OR6N1: variants seen among roughly 807,000 people sequenced by gnomAD.
OR6N1 encodes olfactory receptor 6N1.
For synonymous variants in OR6N1, 170 were observed against 150.7 expected (o/e 1.13, Z -0.94); for missense variants, 394 against 371.7 (o/e 1.06, Z -0.49).
chr1:158,840,160 TAA>T, the OR6N1 span, among the ~76,000 whole-genome samples: 2 of 152,148 alleles, frequency 1.3e-5, no homozygotes, highest in Non-Finnish European at 2.9e-5. Context: ...TCAAATGCAT[TAA>T]GAGTTCTTCA....
At chr1:158,773,322 A>C (rs949499309), upstream of OR6N1, among the ~76,000 whole-genome samples, 10 of 152,292 alleles carry the variant, frequency 6.6e-5, no homozygotes, top group Admixed American at 3.3e-4. Flanking sequence ...TTATTTACTT[A>C]ATGACTAGAG....
chr1:158,776,810 T>C (rs764201311), upstream of OR6N1: 21 of 1,614,124 alleles, frequency 1.3e-5, no homozygotes, highest in Non-Finnish European at 1.7e-5. Context: ...GAGTAAACTA[T>C]AGCAAGTGTT....
the OR6N1 span, among the ~76,000 whole-genome samples, chr1:158,782,026 T>C: frequency 2.0e-5 from 3 of 152,204 alleles, no homozygotes. Flanking sequence ...TCATCACCTC[T>C]AAGCTCCACT....
chr1:158,823,414 G>T, the OR6N1 span, among the ~76,000 whole-genome samples: 5 of 151,932 alleles, frequency 3.3e-5, no homozygotes, highest in African/African-American at 1.2e-4. Context: ...TCAGGGATTC[G>T]ATTTCTTCCT....
chr1:158,819,934 G>A, the OR6N1 span, among the ~76,000 whole-genome samples: 1 of 152,130 alleles, frequency 6.6e-6, no homozygotes, highest in African/African-American at 2.4e-5. Flanking sequence ...CACACACACA[G>A]AAATATAGAG....
chr1:158,784,571 ACCCT>A, the OR6N1 span, among the ~76,000 whole-genome samples: 1 of 151,166 alleles, frequency 6.6e-6, no homozygotes, highest in African/African-American at 2.4e-5. Context: ...CCCATCTTTC[ACCCT>A]CCCCTTTTCT....
chr1:158,825,594 A>T, the OR6N1 span, among the ~76,000 whole-genome samples: 1 of 152,234 alleles, frequency 6.6e-6, no homozygotes, highest in South Asian at 2.1e-4. Flanking sequence ...CGTACCAGTC[A>T]GAATGGCTAT....
chr1:158,782,188 T>C, the OR6N1 span, among the ~76,000 whole-genome samples: 1 of 152,244 alleles, frequency 6.6e-6, no homozygotes. Context: ...TATTTTATTA[T>C]GTATAAATGT....
chr1:158,838,268 A>G, the OR6N1 span, among the ~76,000 whole-genome samples: 1 of 151,954 alleles, frequency 6.6e-6, no homozygotes, highest in African/African-American at 2.4e-5. Flanking sequence ...TTTAAGGTAG[A>G]TATAGTGGTA....
At chr1:158,794,522 C>A in the OR6N1 span, among the ~76,000 whole-genome samples, 1 of 152,138 alleles carries the variant, frequency 6.6e-6, no homozygotes, top group East Asian at 1.9e-4. Context: ...CAGGGAGCGT[C>A]TGCAAGGGAT....
At chr1:158,827,116 T>A in the OR6N1 span, among the ~76,000 whole-genome samples, 1 of 152,174 alleles carries the variant, frequency 6.6e-6, no homozygotes, top group African/African-American at 2.4e-5. Context: ...ACAAGAAGAT[T>A]TTTTGTTTGG....
At chr1:158,827,568 A>G in the OR6N1 span, among the ~76,000 whole-genome samples, 1 of 152,186 alleles carries the variant, frequency 6.6e-6, no homozygotes, top group African/African-American at 2.4e-5. Flanking sequence ...TTTGCAATAT[A>G]CTTCTTGAAA....
chr1:158,819,623 C>A, the OR6N1 span, among the ~76,000 whole-genome samples: 6,761 of 151,928 alleles, frequency 0.045, 218 homozygotes, highest in East Asian at 0.19. Flanking sequence ...ACGGGAGTTC[C>A]AAAAAAAGGT....
chr1:158,797,976 ATGT>A, the OR6N1 span, among the ~76,000 whole-genome samples: 11,035 of 152,056 alleles, frequency 0.073, 468 homozygotes, highest in South Asian at 0.12. Flanking sequence ...ATTAATTCTG[ATGT>A]TGATATTTCT....
the OR6N1 span, among the ~76,000 whole-genome samples, chr1:158,822,972 G>C: frequency 6.6e-6 from 1 of 152,066 alleles, no homozygotes. Context: ...ATAATCATGT[G>C]GGCTTTGTTT....
chr1:158,831,683 A>G, the OR6N1 span: 2 of 152,216 alleles, frequency 1.3e-5, no homozygotes, highest in Non-Finnish European at 2.9e-5. Flanking sequence ...AAAACTGAGA[A>G]CTGAATGCTT....
At chr1:158,776,990 T>G (rs1657615764), upstream of OR6N1, 1 of 1,613,912 alleles carries the variant, frequency 6.2e-7, no homozygotes, top group Non-Finnish European at 8.5e-7. Context: ...GCATAAGAAA[T>G]CATGATAAAG....
chr1:158,766,443 C>G lies in OR6N1; in HGVS notation c.240G>C (p.Lys80Asn). ...ELGYTAATIP[K>N]MLANLLSEKK... ...TCTCACTGAGCAAGTTTGCCAGCATCTTAGGGATGGTGGCAGCTGTATAGC... is the reference window on the plus strand; with the variant it reads ...TCTCACTGAGCAAGTTTGCCAGCATGTTAGGGATGGTGGCAGCTGTATAGC... Residue 80 changes from lysine to asparagine, a missense_variant, in exon 2 of 2, where the codon AAG becomes AAC. Physicochemically the swap from Lys to Asn is moderately conservative, Grantham distance 94 (BLOSUM62 0). Transcript: ENST00000641846. 6.2e-7 allele frequency: 1 copy of G among 1,614,122 alleles called. No individual in the cohort carries two copies. Among genetic ancestry groups the G allele is most frequent in the Non-Finnish European group, 8.5e-7 (1 of 1,180,014 alleles).
At chr1:158,791,558 G>A in the OR6N1 span, among the ~76,000 whole-genome samples, 5 of 150,592 alleles carry the variant, frequency 3.3e-5, no homozygotes, top group Admixed American at 3.3e-4. Context: ...CAAGCTCCGA[G>A]TCCTGGGTTC....
Sources: allele counts gnomAD v4.1 joint callset (sites outside exome capture counted in the v4.1 genomes callset), GRCh38; gene constraint gnomAD v4.1.1; transcripts MANE v1.5; gene names NCBI Gene and HGNC (gene_info 2026-07-23, HGNC 2026-07-21).